Variants in BACH2 observed in about 807,000 individuals in gnomAD.
The protein encoded by BACH2 is BACH transcriptional regulator 2, also known as transcription regulator protein BACH2.
BACH2 carries 5 observed loss-of-function variants against 61.8 expected under a neutral mutation model. The ratio of observed to expected loss-of-function variants is 0.08; its 90% CI spans 0.04 to 0.17. BACH2 has a LOEUF of 0.17. BACH2 is among the 10% of genes least tolerant of loss of function. The pLI, the probability that BACH2 is intolerant of heterozygous loss-of-function variation, is 1.00. For missense variants in BACH2, 824 were observed against 1,091.1 expected (o/e 0.76, Z 3.45); for synonymous variants, 446 against 440.1 (o/e 1.01, Z -0.17).
intron 3 of BACH2, among the ~76,000 whole-genome samples, chr6:90,243,062 T>TC (rs1770509047): frequency 6.8e-6 from 1 of 146,794 alleles, no homozygotes; most frequent in African/African-American, 2.5e-5. Flanking sequence ...TTTTTTTTTT[T>TC]TTTTTTTTTT....
chr6:89,972,414 G>A (rs1439371414), intron 6 of BACH2, among the ~76,000 whole-genome samples: 1 of 152,130 alleles, frequency 6.6e-6, no homozygotes, highest in Non-Finnish European at 1.5e-5. Flanking sequence ...GAGAGTATAG[G>A]CCAATTCAAG....
Position 90,296,695 on chromosome 6 carries a change from G to C in BACH2, c.-661C>G, listed in dbSNP as rs940040248. 6.5e-6 allele frequency: 1 copy of C among 154,846 alleles called. No individual in the cohort carries two copies. Among genetic ancestry groups the C allele is most frequent in the Non-Finnish European group, 1.4e-5 (1 of 69,828 alleles). The allele number at this position is 154,846 out of a possible 1,614,324, so 9.6% of individuals were successfully genotyped here. On this transcript the variant is annotated 5_prime_UTR_variant, in exon 1 of 9. Coordinates refer to ENST00000257749, the MANE Select transcript of BACH2 (RefSeq NM_021813.4). ...GGGAGGCCGGGGGGAAAGCGAGAGC[G>C]GGGCGGCGGCGGGAGTGGGCAGGCG... is the stretch of plus-strand genomic sequence containing the variant.
chr6:89,976,372 G>A (rs1775653011), intron 6 of BACH2, among the ~76,000 whole-genome samples: 1 of 152,218 alleles, frequency 6.6e-6, no homozygotes, highest in Non-Finnish European at 1.5e-5. Context: ...GCCTTAGGGG[G>A]CATCTGTAAG....
intron 1 of BACH2, among the ~76,000 whole-genome samples, chr6:90,281,658 A>G (rs181613316): frequency 5.9e-5 from 9 of 152,362 alleles, no homozygotes; most frequent in Admixed American, 5.9e-4. Flanking sequence ...CATGAATAGA[A>G]TCACACTGTA....
At chr6:90,183,743 T>C (rs1344942957) in intron 4 of BACH2, among the ~76,000 whole-genome samples, 1 of 152,218 alleles carries the variant, frequency 6.6e-6, no homozygotes, top group Non-Finnish European at 1.5e-5. Flanking sequence ...TAATCAAGGA[T>C]GTTTGACTGG....
chr6:89,968,525 G>A (rs1383233202), intron 6 of BACH2, among the ~76,000 whole-genome samples: 3 of 152,190 alleles, frequency 2.0e-5, no homozygotes, highest in Admixed American at 1.3e-4. Flanking sequence ...CTAGTTGGAT[G>A]ACAGTATTTA....
At chr6:90,273,938 T>G (rs141691593) in intron 1 of BACH2, among the ~76,000 whole-genome samples, 40 of 152,322 alleles carry the variant, frequency 2.6e-4, no homozygotes, top group African/African-American at 9.1e-4. Flanking sequence ...AATAAGAACA[T>G]GTAAAGCTCC....
chr6:89,957,727 G>C, intron 6 of BACH2, among the ~76,000 whole-genome samples: 1 of 152,126 alleles, frequency 6.6e-6, no homozygotes, highest in East Asian at 1.9e-4. Flanking sequence ...TTTTAGTAGA[G>C]ACGGGGTTTC....
At chr6:90,109,782 A>G (rs1051938341) in intron 4 of BACH2, among the ~76,000 whole-genome samples, 1 of 152,236 alleles carries the variant, frequency 6.6e-6, no homozygotes, top group Non-Finnish European at 1.5e-5. Context: ...ACATCTTGAA[A>G]TGAACCACTT....
intron 4 of BACH2, among the ~76,000 whole-genome samples, chr6:90,193,102 G>A (rs970858325): frequency 6.6e-6 from 1 of 152,248 alleles, no homozygotes; most frequent in African/African-American, 2.4e-5. Context: ...AAAGGAATAT[G>A]AGAAAAGATG....
chr6:90,081,173 A>G (rs765044687), intron 5 of BACH2, among the ~76,000 whole-genome samples: 1 of 152,198 alleles, frequency 6.6e-6, no homozygotes, highest in Non-Finnish European at 1.5e-5. Flanking sequence ...TGTGTTCTTG[A>G]ATTTATATGA....
At position 90,295,928 on chromosome 6, in the gene BACH2, G is replaced by T. The variant is rs968989664; in HGVS notation, c.-446+552C>A. Among the ~76,000 whole-genome samples the T allele has an allele frequency of 4.1e-4, 62 of 152,194 alleles. 1 individual carries two copies. The highest frequency in any genetic ancestry group is 8.2e-4 in the Non-Finnish European group (56 of 67,996). On this transcript the variant is annotated intron_variant, in intron 1 of 8. Coordinates refer to ENST00000257749, the MANE Select transcript of BACH2 (RefSeq NM_021813.4). ...GGCCACCCGGCGGCGGCTGACAGCT[G>T]AGCGCAAAGGCGCCGCGGCCAAGGT...
chr6:90,019,191 G>A (rs1465333104), intron 5 of BACH2, among the ~76,000 whole-genome samples: 2 of 152,058 alleles, frequency 1.3e-5, no homozygotes, highest in Non-Finnish European at 2.9e-5. Flanking sequence ...GGTCACGGAT[G>A]GTGTGTTCAA....
In BACH2 at chr6:89,932,538, G is replaced by A; in HGVS notation, c.2396C>T (p.Thr799Ile). 1 of 1,614,132 alleles carries A rather than the reference G, an allele frequency of 6.2e-7. No homozygotes were observed. ...TCTCTCTGAGAAGGTTCCCGGGTCA[G>A]TGCCTTCTAGTCTCCTCCCAGAGGT... is the stretch of plus-strand genomic sequence containing the variant. ...NCTSGRRLEG[T>I]DPGTFSERGP... Residue 799 changes from threonine to isoleucine, a missense_variant, in exon 9 of 9, where the codon ACT (threonine) becomes ATT (isoleucine). By Grantham distance (89) the Thr-to-Ile change is moderately conservative. This residue lies in a region of BACH2 where 135 missense variants were observed against 142.7 expected (regional missense o/e 0.95). Transcript: ENST00000257749.
At chr6:90,128,911 G>A (rs1029860887) in intron 4 of BACH2, among the ~76,000 whole-genome samples, 6 of 151,994 alleles carry the variant, frequency 3.9e-5, no homozygotes, top group East Asian at 1.9e-4. Flanking sequence ...TGTCCTTTGT[G>A]GGGACATGAA....
At chr6:90,296,300 G>GAC in intron 1 of BACH2, among the ~76,000 whole-genome samples, 180 bp downstream of exon 1, 1 of 151,698 alleles carries the variant, frequency 6.6e-6, no homozygotes, top group African/African-American at 2.4e-5. Context: ...CCCGTTCCTA[G>GAC]AAAATGCCAT....
rs1222276261 is a variant in BACH2 at position 89,927,100 on chromosome 6, G to C, written c.*5308C>G. The C allele has an allele frequency of 6.5e-6, 1 of 152,800 alleles. No homozygotes were observed. 9.5% of individuals were successfully genotyped at this position (152,800 alleles called of 1,614,324 possible). On this transcript the variant is annotated 3_prime_UTR_variant, in exon 9 of 9. Transcript: ENST00000257749. ...ATATATTAGAGGTGCACTTGCATCA[G>C]ACTGGTTCTGGAACAAATTGTCAAA... is the stretch of plus-strand genomic sequence containing the variant.
At chr6:90,056,492 A>G (rs1780359388) in intron 5 of BACH2, among the ~76,000 whole-genome samples, 1 of 152,130 alleles carries the variant, frequency 6.6e-6, no homozygotes, top group Non-Finnish European at 1.5e-5. Context: ...GTGACCTACA[A>G]AGAGACTTAG....
intron 3 of BACH2, among the ~76,000 whole-genome samples, chr6:90,209,544 G>A (rs1769271552): frequency 6.6e-6 from 1 of 152,142 alleles, no homozygotes; most frequent in South Asian, 2.1e-4. Flanking sequence ...CACTTAACTG[G>A]AAAGCTTGCC....
Sources: allele counts gnomAD v4.1 joint callset (sites outside exome capture counted in the v4.1 genomes callset), GRCh38; gene constraint gnomAD v4.1.1; regional missense constraint gnomAD v4.1.1; transcripts MANE v1.5; gene names NCBI Gene and HGNC (gene_info 2026-07-23, HGNC 2026-07-21).